Variants in SEMA4D observed in about 807,000 individuals in gnomAD.
The protein encoded by SEMA4D is semaphorin 4D, also known as semaphorin-4D.
Under a neutral mutation model 74.8 loss-of-function variants are expected in SEMA4D, and 22 were observed. That is an observed-to-expected ratio of 0.29 (90% CI 0.21 to 0.42). SEMA4D has a LOEUF of 0.42. Ranked by LOEUF, SEMA4D falls within the 10% of genes least tolerant of loss-of-function variation. SEMA4D has a pLI of 1.00. For missense variants in SEMA4D, 937 were observed against 1,118.4 expected, an observed-to-expected ratio of 0.84 and a Z score of 2.31; for synonymous variants, 445 against 463.7, an observed-to-expected ratio of 0.96 and a Z score of 0.52.
At chr9:89,458,833 C>T (rs1168175610) in intron 1 of SEMA4D, among the ~76,000 whole-genome samples, 3 of 152,020 alleles carry the variant, frequency 2.0e-5, no homozygotes, top group Admixed American at 1.3e-4. Context: ...CATACACACA[C>T]GGATACATAT....
intron 3 of SEMA4D, among the ~76,000 whole-genome samples, chr9:89,405,028 A>G (rs11790855): frequency 0.91 from 81,205 of 89,006 alleles, 36,895 homozygotes; most frequent in Non-Finnish European, 0.94. Flanking sequence ...TCCCCATCCC[A>G]TCCTCAGCCA....
chr9:89,396,096 T>C (rs957997875), intron 6 of SEMA4D, among the ~76,000 whole-genome samples: 1 of 152,086 alleles, frequency 6.6e-6, no homozygotes, highest in Non-Finnish European at 1.5e-5. Flanking sequence ...CAGTCAAGGA[T>C]GTGAGCCGGT....
chr9:89,494,486 G>T (rs952220209), intron 1 of SEMA4D, among the ~76,000 whole-genome samples: 1 of 152,206 alleles, frequency 6.6e-6, no homozygotes, highest in Non-Finnish European at 1.5e-5. Flanking sequence ...CGTGCTGAGC[G>T]CCTGCACTTG....
At chr9:89,386,589 C>T (rs1475971133) in intron 12 of SEMA4D, 107 bp from the exon 13 acceptor site, 10 of 663,558 alleles carry the variant, frequency 1.5e-5, no homozygotes, top group Non-Finnish European at 2.4e-5. Flanking sequence ...TCATTCCCTC[C>T]ACAGATACTT....
chr9:89,384,813 G>A, intron 13 of SEMA4D: 2 of 985,370 alleles, frequency 2.0e-6, no homozygotes, highest in Non-Finnish European at 2.4e-6. Flanking sequence ...GGGTCAGGCG[G>A]CACAGTCTTT....
intron 1 of SEMA4D, among the ~76,000 whole-genome samples, chr9:89,463,497 C>T (rs1857851182): frequency 6.6e-6 from 1 of 152,220 alleles, no homozygotes; most frequent in African/African-American, 2.4e-5. Flanking sequence ...CCCAGACTTG[C>T]TCTTTCTCAT....
intron 1 of SEMA4D, among the ~76,000 whole-genome samples, chr9:89,470,975 C>T (rs1588123193): frequency 6.6e-6 from 1 of 152,170 alleles, no homozygotes. Context: ...CGTGGTTACA[C>T]CATCTGCACA....
intron 13 of SEMA4D, chr9:89,385,061 CTGGGCGCG>C: frequency 2.0e-6 from 2 of 984,754 alleles, no homozygotes; most frequent in Non-Finnish European, 2.4e-6. Context: ...GCTCCTCCTC[CTGGGCGCG>C]AGGCTCCCTG....
At chr9:89,445,029 A>G (rs1852505656) in intron 2 of SEMA4D, among the ~76,000 whole-genome samples, 1 of 152,074 alleles carries the variant, frequency 6.6e-6, no homozygotes, top group Admixed American at 6.5e-5. Context: ...AGGATGCGAC[A>G]CTCACCAGGA....
chr9:89,396,713 C>T, intron 6 of SEMA4D, 24 bp downstream of exon 6: 3 of 1,596,594 alleles, frequency 1.9e-6, no homozygotes, highest in Non-Finnish European at 2.6e-6. Flanking sequence ...GGCGTGAGCA[C>T]AGGGAGGTGC....
intron 13 of SEMA4D, chr9:89,385,723 G>A (rs913566675): frequency 1.2e-4 from 52 of 441,978 alleles, no homozygotes; most frequent in African/African-American, 6.9e-4. Flanking sequence ...TATCTTACCC[G>A]GCCAGACAGG....
intron 2 of SEMA4D, among the ~76,000 whole-genome samples, chr9:89,412,406 T>C (rs1033359653): frequency 1.3e-5 from 2 of 152,182 alleles, no homozygotes; most frequent in Non-Finnish European, 2.9e-5. Context: ...GCCAGCAGGT[T>C]CTCCTGTGTG....
intron 1 of SEMA4D, among the ~76,000 whole-genome samples, chr9:89,463,421 CAG>C (rs1194477646): frequency 2.6e-5 from 4 of 152,214 alleles, no homozygotes; most frequent in African/African-American, 9.6e-5. Flanking sequence ...TCTTCGTAGA[CAG>C]GGGTCCATTC....
At chr9:89,439,145 C>T (rs1851162244) in intron 2 of SEMA4D, among the ~76,000 whole-genome samples, 1 of 151,876 alleles carries the variant, frequency 6.6e-6, no homozygotes, top group South Asian at 2.1e-4. Flanking sequence ...CTACGCCCGG[C>T]TAATTTTTGT....
At chr9:89,400,186 C>A (rs1841886666) in intron 4 of SEMA4D, among the ~76,000 whole-genome samples, 1 of 152,190 alleles carries the variant, frequency 6.6e-6, no homozygotes, top group African/African-American at 2.4e-5. Context: ...TTAGTAAGAT[C>A]CATGTTCCTA....
chr9:89,465,347 A>G (rs1459360576), intron 1 of SEMA4D, among the ~76,000 whole-genome samples: 1 of 152,246 alleles, frequency 6.6e-6, no homozygotes, highest in African/African-American at 2.4e-5. Context: ...TCACTTAAAA[A>G]AAATGACCAT....
intron 2 of SEMA4D, among the ~76,000 whole-genome samples, chr9:89,451,999 A>G (rs1467332417): frequency 6.6e-6 from 1 of 152,016 alleles, no homozygotes. Flanking sequence ...GGATCCTATG[A>G]GGCATAAGGA....
chr9:89,362,852 G>T (rs143752641), intron 18 of SEMA4D, among the ~76,000 whole-genome samples: 202 of 152,316 alleles, frequency 1.3e-3, no homozygotes, highest in Middle Eastern at 6.8e-3. Context: ...CCCTGCCTTT[G>T]CCTTCTGTAT....
chr9:89,494,168 T>G (rs113673358), intron 1 of SEMA4D, among the ~76,000 whole-genome samples: 1 of 152,230 alleles, frequency 6.6e-6, no homozygotes, highest in South Asian at 2.1e-4. Context: ...GGAAAGTATA[T>G]GACCTAATGA....
Sources: gnomAD v4.1 joint callset for allele counts (sites outside exome capture counted in the v4.1 genomes callset) on GRCh38, gnomAD v4.1.1 for gene constraint, MANE v1.5 for transcripts, NCBI Gene and HGNC (gene_info 2026-07-23, HGNC 2026-07-21) for gene names.